Variants in MMP26 observed in about 807,000 individuals in gnomAD.
MMP26 encodes matrix metallopeptidase 26.
A neutral mutation model predicts 31.0 loss-of-function variants in MMP26; 33 were observed. The observed-to-expected ratio is 1.06, with a 90% confidence interval of 0.81 to 1.42. The LOEUF (loss-of-function observed/expected upper bound fraction) is 1.42. Among genes scored for constraint, MMP26 ranks in the 40% most tolerant of loss-of-function variants. MMP26 has a pLI of 0.00. For synonymous variants in MMP26, 122 were observed against 114.9 expected (o/e 1.06, Z -0.40); for missense variants, 347 against 316.1 (o/e 1.10, Z -0.74).
At chr11:4,749,417 C>T (rs903578219) in intron 1 of MMP26, among the ~76,000 whole-genome samples, 1 of 151,012 alleles carries the variant, frequency 6.6e-6, no homozygotes, top group African/African-American at 2.4e-5. Context: ...ATTTTTTTCA[C>T]AGAATTAAAA....
Position 4,819,767 on chromosome 11 carries a change from A to G in MMP26, c.-145+52426A>G, listed in dbSNP as rs867936289. Among the ~76,000 whole-genome samples, 3 of 151,746 alleles carry G rather than the reference A, an allele frequency of 2.0e-5. No homozygotes were observed. The South Asian group carries it at 6.3e-4, about 32-fold the overall frequency. On this transcript the variant is annotated intron_variant, in intron 2 of 7. Coordinates refer to ENST00000380390, the MANE Select transcript of MMP26 (RefSeq NM_021801.5). Reference sequence around the variant, plus strand: ...CTAATTTGTAAACGTTTTTGTAGAGATGGGGTTTCCCTATGTTACCCATGC... The same window carrying G: ...CTAATTTGTAAACGTTTTTGTAGAGGTGGGGTTTCCCTATGTTACCCATGC...
chr11:4,869,650 G>T (rs1035605227), intron 2 of MMP26, among the ~76,000 whole-genome samples: 3 of 152,202 alleles, frequency 2.0e-5, no homozygotes, highest in African/African-American at 7.2e-5. Context: ...CACTGTGGAA[G>T]ACAGTGTGGC....
chr11:4,923,285 T>G lies in MMP26; in HGVS notation c.-144-64783T>G, dbSNP rs1851210378. On this transcript the variant is annotated intron_variant, in intron 2 of 7. Coordinates refer to ENST00000380390, the MANE Select transcript of MMP26 (RefSeq NM_021801.5). The stretch of plus-strand genomic sequence containing the variant: ...CAGCCAATTGCCTTTTTGTTGACAG[T>G]CAACGGTTTATTATTTTGCCACAGC... 2.0e-5 allele frequency: 27 copies of G among 1,366,358 alleles called. 1 individual carries two copies. The South Asian group carries it at 3.9e-4, about 20-fold the overall frequency. 84.6% of individuals were successfully genotyped at this position (1,366,358 alleles called of 1,614,324 possible).
chr11:4,845,325 AT>A (rs1849852065), intron 2 of MMP26, among the ~76,000 whole-genome samples: 1 of 152,170 alleles, frequency 6.6e-6, no homozygotes. Flanking sequence ...TAAAATGTCC[AT>A]ACCGTCCAAA....
intron 2 of MMP26, among the ~76,000 whole-genome samples, chr11:4,785,233 A>T (rs945995187): frequency 6.6e-6 from 1 of 152,172 alleles, no homozygotes; most frequent in Non-Finnish European, 1.5e-5. Flanking sequence ...ACAGTTGATC[A>T]CTGTACTAGC....
chr11:4,901,941 CA>C (rs1397664376), intron 2 of MMP26, among the ~76,000 whole-genome samples: 1 of 151,980 alleles, frequency 6.6e-6, no homozygotes, highest in East Asian at 1.9e-4. Context: ...ATATATTTGC[CA>C]CATAAATACT....
At chr11:4,984,314 C>A (rs1846856094) in intron 2 of MMP26, among the ~76,000 whole-genome samples, 1 of 152,158 alleles carries the variant, frequency 6.6e-6, no homozygotes, top group African/African-American at 2.4e-5. Context: ...GCCTCATTTC[C>A]TTAACTATAA....
intron 2 of MMP26, among the ~76,000 whole-genome samples, chr11:4,808,321 T>C (rs1564914810): frequency 6.6e-6 from 1 of 152,130 alleles, no homozygotes; most frequent in Non-Finnish European, 1.5e-5. Flanking sequence ...CAGAGTTTGC[T>C]GTCCTATCAT....
intron 2 of MMP26, chr11:4,768,846 C>T (rs1848665663): frequency 4.0e-6 from 2 of 498,590 alleles, no homozygotes; most frequent in Non-Finnish European, 7.0e-6. Flanking sequence ...AAATATACAA[C>T]ATATTTACTA....
intron 1 of MMP26, among the ~76,000 whole-genome samples, chr11:4,754,873 G>A (rs1157454836): frequency 6.6e-6 from 1 of 151,874 alleles, no homozygotes; most frequent in Admixed American, 6.6e-5. Context: ...ATATCTCAAA[G>A]CAAGCTCAAA....
rs576157979 is a variant in MMP26 at position 4,781,439 on chromosome 11, C to T, written c.-145+14098C>T. On this transcript the variant is annotated intron_variant, in intron 2 of 7. Coordinates refer to ENST00000380390, the MANE Select transcript of MMP26 (RefSeq NM_021801.5). The stretch of plus-strand genomic sequence containing the variant: ...GCGGGCGCCTGTAGTCCCAGCTACT[C>T]GGGAGGCTGAGGCAGGAGAATGGCG... Among the ~76,000 whole-genome samples the T allele has an allele frequency of 3.1e-3, 358 of 114,372 alleles. 57 individuals are homozygous for T. The highest frequency in any genetic ancestry group is 3.6e-3 in the Non-Finnish European group (206 of 57,924). The allele number at this position is 114,372 out of a possible 152,430, so 75.0% of individuals were successfully genotyped here.
intron 2 of MMP26, among the ~76,000 whole-genome samples, chr11:4,858,806 A>C (rs1047199288): frequency 6.6e-6 from 1 of 152,158 alleles, no homozygotes; most frequent in Non-Finnish European, 1.5e-5. Flanking sequence ...GCATCATGCT[A>C]CCTGACTTCA....
intron 2 of MMP26, among the ~76,000 whole-genome samples, chr11:4,810,059 G>A (rs1257708212): frequency 6.6e-6 from 1 of 152,162 alleles, no homozygotes; most frequent in Non-Finnish European, 1.5e-5. Flanking sequence ...CTGATTTCCA[G>A]TGCCTCACAT....
rs759283168 is a variant in MMP26 at position 4,882,607 on chromosome 11, AC to A, written c.-144-105460del. The A allele has an allele frequency of 7.4e-6, 12 of 1,613,954 alleles. No individual in the cohort carries two copies. The South Asian group carries it at 1.1e-4, about 15-fold the overall frequency. On this transcript the variant is annotated intron_variant, in intron 2 of 7. Coordinates refer to ENST00000380390, the MANE Select transcript of MMP26 (RefSeq NM_021801.5). ...TGGGCATTGTGGCCCGAAAGAAGCAACAAAAAGCTCTCAGCACTTGTGTCTG... is the reference window on the plus strand; with the variant it reads ...TGGGCATTGTGGCCCGAAAGAAGCAAAAAAAGCTCTCAGCACTTGTGTCTG...
chr11:4,926,247 G>A (rs991698088), intron 2 of MMP26, among the ~76,000 whole-genome samples: 7 of 152,042 alleles, frequency 4.6e-5, no homozygotes, highest in East Asian at 3.8e-4. Context: ...TATAAAGAAC[G>A]ATGGCAAGGA....
chr11:4,802,752 C>T (rs1024983957), intron 2 of MMP26, among the ~76,000 whole-genome samples: 16 of 152,128 alleles, frequency 1.1e-4, no homozygotes, highest in Admixed American at 5.2e-4. Context: ...CCTTTCTTTA[C>T]GTACGTATTC....
intron 2 of MMP26, among the ~76,000 whole-genome samples, chr11:4,979,131 G>A (rs1589823327): frequency 1.3e-5 from 2 of 152,156 alleles, no homozygotes. Context: ...GTAGAAAGGG[G>A]CATCCATAGG....
intron 2 of MMP26, among the ~76,000 whole-genome samples, chr11:4,970,066 C>T (rs1334231412): frequency 6.6e-6 from 1 of 151,946 alleles, no homozygotes; most frequent in African/African-American, 2.4e-5. Flanking sequence ...AATGCATAAA[C>T]ACACAGACGA....
chr11:4,911,888 A>G (rs1850997585), intron 2 of MMP26, among the ~76,000 whole-genome samples: 1 of 152,098 alleles, frequency 6.6e-6, no homozygotes, highest in South Asian at 2.1e-4. Context: ...TGCCCACTAT[A>G]TTCCTATAAT....
Sources: allele counts gnomAD v4.1 joint callset (sites outside exome capture counted in the v4.1 genomes callset), GRCh38; gene constraint gnomAD v4.1.1; transcripts MANE v1.5; gene names NCBI Gene and HGNC (gene_info 2026-07-23, HGNC 2026-07-21).